The following CHN1 variants were observed in gnomAD, a reference collection of about 807,000 sequenced individuals.
The protein encoded by CHN1 is chimerin 1.
In CHN1, 37 loss-of-function variants were observed where a neutral mutation model predicts 59.5. That is an observed-to-expected ratio of 0.62 (90% confidence interval 0.48 to 0.82). The LOEUF (loss-of-function observed/expected upper bound fraction) is 0.82. Ranked by LOEUF, CHN1 falls within the 40% of genes least tolerant of loss-of-function variation. The pLI is 0.00. For missense variants in CHN1, 469 were observed against 571.0 expected, an observed-to-expected ratio of 0.82 and a Z score of 1.82; for synonymous variants, 206 against 200.4, an observed-to-expected ratio of 1.03 and a Z score of -0.24.
chr2:174,990,262 TGAGA>T (rs147367573), intron 1 of CHN1, among the ~76,000 whole-genome samples: 1,843 of 89,370 alleles, frequency 0.021, 13 homozygotes, highest in Middle Eastern at 0.027. Context: ...TGTGTGTGTG[TGAGA>T]GAGAGAGAGA....
intron 5 of CHN1, among the ~76,000 whole-genome samples, chr2:174,879,317 A>G (rs1413528649): frequency 6.6e-6 from 1 of 152,222 alleles, no homozygotes. Flanking sequence ...ATTTTTTAAA[A>G]TAATAGCCAG....
At chr2:174,955,602 C>A (rs2105418177) in intron 1 of CHN1, among the ~76,000 whole-genome samples, 1 of 151,762 alleles carries the variant, frequency 6.6e-6, no homozygotes, top group South Asian at 2.1e-4. Flanking sequence ...TTCATGTAAC[C>A]AAACACCACC....
intron 3 of CHN1, among the ~76,000 whole-genome samples, chr2:174,942,084 T>C (rs1574192919): frequency 2.0e-5 from 3 of 152,330 alleles, no homozygotes; most frequent in South Asian, 4.1e-4. Flanking sequence ...ACAGCCATTA[T>C]GGAAAATGGT....
rs71407154 is a variant in CHN1 at position 174,840,161 on chromosome 2, C to CTTTTTTTTT, written c.627+6710_627+6718dup. On this transcript the variant is annotated intron_variant, in intron 7 of 12. Transcript: ENST00000409900. ...GCCAGTGTTTATGCATAAAACCATT[C>CTTTTTTTTT]TTTTTTTTTTTTTTTTTTTTTTTTT... Among the ~76,000 whole-genome samples, 20 of 67,410 alleles carry CTTTTTTTTT rather than the reference C, an allele frequency of 3.0e-4. 1 individual carries two copies. Among genetic ancestry groups the CTTTTTTTTT allele is most frequent in the South Asian group, 5.8e-4 (1 of 1,720 alleles). The allele number at this position is 67,410 out of a possible 152,430, so 44.2% of individuals were successfully genotyped here. A position where few individuals can be genotyped will look rare whatever the true frequency, so the allele number is the denominator to read the frequency against.
chr2:174,869,936 C>T (rs1320818963), intron 6 of CHN1, among the ~76,000 whole-genome samples: 1 of 152,162 alleles, frequency 6.6e-6, no homozygotes, highest in Non-Finnish European at 1.5e-5. Flanking sequence ...TGCATAAAAG[C>T]CCCTGTTTTT....
chr2:174,814,316 C>T (rs763385813), intron 8 of CHN1, among the ~76,000 whole-genome samples: 11 of 152,166 alleles, frequency 7.2e-5, no homozygotes, highest in Admixed American at 7.2e-4. Flanking sequence ...ACAAATGACC[C>T]AACACTATTC....
chr2:174,962,069 G>A lies in CHN1; in HGVS notation c.20-9867C>T, dbSNP rs545995285. Among the ~76,000 whole-genome samples, 13 of 152,188 alleles carry A rather than the reference G, an allele frequency of 8.5e-5. No individual in the cohort carries two copies. The East Asian group carries it at 2.3e-3, about 27-fold the overall frequency. The stretch of plus-strand genomic sequence containing the variant: ...TGTTAGGCCGAGGCAGACAGATCAC[G>A]AGGTCAGGAGTTCAAGACCAGCCTG... On this transcript the variant is annotated intron_variant, in intron 1 of 12. Transcript: ENST00000409900.
At chr2:174,993,516 GA>G (rs1162067194) in intron 1 of CHN1, among the ~76,000 whole-genome samples, 1 of 151,788 alleles carries the variant, frequency 6.6e-6, no homozygotes, top group Non-Finnish European at 1.5e-5. Flanking sequence ...CAGACATGTA[GA>G]AAGTGGAAGG....
intron 5 of CHN1, among the ~76,000 whole-genome samples, chr2:174,899,362 C>A (rs1688317292): frequency 6.6e-6 from 1 of 152,170 alleles, no homozygotes; most frequent in Non-Finnish European, 1.5e-5. Context: ...ATCTTCTTGT[C>A]CCTGTGTCTG....
intron 2 of CHN1, among the ~76,000 whole-genome samples, chr2:174,945,927 G>GTATA (rs66901515): frequency 3.3e-4 from 50 of 150,514 alleles, no homozygotes; most frequent in African/African-American, 9.8e-4. Flanking sequence ...GTGTGTGTGT[G>GTATA]TGTGTATATA....
intron 10 of CHN1, chr2:174,811,217 A>G (rs774676999): frequency 4.1e-6 from 1 of 241,856 alleles, no homozygotes. Context: ...TCTTTTCTCT[A>G]TCATTTTTGG....
intron 6 of CHN1, among the ~76,000 whole-genome samples, chr2:174,870,164 C>G (rs1003070571): frequency 2.6e-5 from 4 of 152,170 alleles, no homozygotes; most frequent in African/African-American, 9.7e-5. Flanking sequence ...AAGGCTGATT[C>G]CTTCAAGTTA....
At chr2:174,984,211 T>A (rs905501348) in intron 1 of CHN1, among the ~76,000 whole-genome samples, 3 of 152,162 alleles carry the variant, frequency 2.0e-5, no homozygotes, top group African/African-American at 7.2e-5. Flanking sequence ...TGGATGAATC[T>A]GCTCTGTGTG....
chr2:174,861,876 CAAAA>C (rs1687078947), intron 6 of CHN1, among the ~76,000 whole-genome samples: 1 of 152,016 alleles, frequency 6.6e-6, no homozygotes, highest in Non-Finnish European at 1.5e-5. Context: ...TCTGCAGGAC[CAAAA>C]CAACTATTAC....
intron 7 of CHN1, 103 bp downstream of exon 7, chr2:174,846,777 T>TAGTCA: frequency 8.7e-7 from 1 of 1,145,302 alleles, no homozygotes; most frequent in South Asian, 1.8e-5. Context: ...AAGAACATTT[T>TAGTCA]AGTCAAGTCA....
chr2:174,920,391 G>A (rs1383045136), intron 3 of CHN1, among the ~76,000 whole-genome samples: 9 of 152,064 alleles, frequency 5.9e-5, no homozygotes, highest in Admixed American at 4.6e-4. Flanking sequence ...ACTGAGCGTC[G>A]GAGAGATTAC....
At chr2:174,916,570 T>A (rs1688854577) in intron 4 of CHN1, among the ~76,000 whole-genome samples, 1 of 152,228 alleles carries the variant, frequency 6.6e-6, no homozygotes, top group Non-Finnish European at 1.5e-5. Flanking sequence ...GGCACCTTAA[T>A]AATTCAGGAA....
At chr2:174,802,798 G>C (rs972288402) in intron 11 of CHN1, among the ~76,000 whole-genome samples, 17 of 152,200 alleles carry the variant, frequency 1.1e-4, no homozygotes, top group African/African-American at 4.1e-4. Flanking sequence ...CCAGCACTTT[G>C]GGAGGCCGAG....
At chr2:174,878,722 G>A (rs980830369) in intron 5 of CHN1, among the ~76,000 whole-genome samples, 14 of 152,226 alleles carry the variant, frequency 9.2e-5, no homozygotes, top group South Asian at 2.1e-4. Context: ...TTATTCTTTC[G>A]TTTTTAAAGA....
Sources: allele counts gnomAD v4.1 joint callset (sites outside exome capture counted in the v4.1 genomes callset), GRCh38; gene constraint gnomAD v4.1.1; transcripts MANE v1.5; gene names NCBI Gene and HGNC (gene_info 2026-07-23, HGNC 2026-07-21).